Variants in HSPG2 observed in about 807,000 individuals in gnomAD.
HSPG2 encodes basement membrane-specific heparan sulfate proteoglycan core protein.
A neutral mutation model predicts 526.6 loss-of-function variants in HSPG2; 278 were observed. That is an observed-to-expected ratio of 0.53 (90% confidence interval 0.48 to 0.58). HSPG2 has a LOEUF of 0.58. Among genes scored for constraint, HSPG2 ranks in the 20% least tolerant of loss-of-function variants. The pLI, the probability that HSPG2 is intolerant of heterozygous loss-of-function variation, is 0.00. For missense variants in HSPG2, 5,354 were observed against 6,099.5 expected (o/e 0.88, Z 4.07); for synonymous variants, 2,465 against 2,555.4 (o/e 0.96, Z 1.07).
rs576934263 is a variant in HSPG2, at chr1:21,874,464, G to A, written c.3598C>T (p.Arg1200Trp). The A allele has an allele frequency of 8.7e-6, 14 of 1,612,272 alleles. No homozygotes were observed. The highest frequency in any genetic ancestry group is 8.3e-5 in the Admixed American group (5 of 60,004). Residue 1200 changes from arginine to tryptophan, a missense_variant, in exon 28 of 97, where the codon CGG becomes TGG. Transcript: ENST00000374695. Reference protein sequence around the residue: ...CQPGYYGDAQRGTPQDCQLCP... With the variant: ...CQPGYYGDAQWGTPQDCQLCP... The stretch of plus-strand genomic sequence containing the variant: ...AGCTGGCAGTCCTGTGGTGTCCCCC[G>A]CTGGGCGTCCCCGTAGTATCCTGGC...
chr1:21,874,711 T>C lies in HSPG2; in HGVS notation c.3433A>G (p.Thr1145Ala). 1 of 1,605,378 alleles carries C rather than the reference T, an allele frequency of 6.2e-7. No individual in the cohort carries two copies. The highest frequency in any genetic ancestry group is 8.5e-7 in the Non-Finnish European group (1 of 1,175,870). Residue 1145 changes from threonine (T) to alanine (A), a missense_variant, in exon 27 of 97, where the codon ACA becomes GCA. Transcript: ENST00000374695. ...AGGTAGAGGCCACTGGGCGTGCGTGTGTAGCCTGTGTCACAGTCCTGGGGG... is the reference window on the plus strand; with the variant it reads ...AGGTAGAGGCCACTGGGCGTGCGTGCGTAGCCTGTGTCACAGTCCTGGGGG... The part of the protein sequence containing the change: ...PSCQDCDTGY[T>A]RTPSGLYLGT...
In HSPG2 at chr1:21,828,041, C is replaced by A; in HGVS notation, c.12521G>T (p.Arg4174Leu). The A allele has an allele frequency of 5.6e-6, 9 of 1,613,552 alleles. No individual in the cohort carries two copies. The highest frequency in any genetic ancestry group is 7.6e-6 in the Non-Finnish European group (9 of 1,179,986). The change falls in exon 90 of 97, where the codon CGC becomes CTC. Residue 4174 changes from arginine (R) to leucine (L), a missense_variant. Coordinates refer to ENST00000374695, the MANE Select transcript of HSPG2 (RefSeq NM_005529.7). The surrounding 1 kb of genome is among the most constrained non-coding windows in gnomAD (Gnocchi z 6.0). The stretch of plus-strand genomic sequence containing the variant: ...CCAGGCCTGGGTACCTTGTTGGCAG[C>A]GTGGGCCAGAGAAGCCAGGGAGGCA... ...CLCLPGFSGP[R>L]CQQGSGHGIA...
chr1:21,834,553 C>A (rs2098018439), intron 77 of HSPG2, 126 bp downstream of exon 77: 1 of 1,193,506 alleles, frequency 8.4e-7, no homozygotes, highest in African/African-American at 1.5e-5. Context: ...GCCCCTTAAA[C>A]ACACACAATG....
chr1:21,849,958 G>A (rs1638756748), intron 57 of HSPG2, 83 bp downstream of exon 57: 10 of 1,557,174 alleles, frequency 6.4e-6, no homozygotes, highest in Non-Finnish European at 8.8e-6. Context: ...GATTACAGGC[G>A]TGAGCCACTG....
chr1:21,831,670 C>T lies in HSPG2; in HGVS notation c.11334G>A (p.Pro3778=), dbSNP rs766803365. The change falls in exon 82 of 97, where the codon CCG becomes CCA. Residue 3778 remains proline (P), a synonymous_variant. Coordinates refer to ENST00000374695, the MANE Select transcript of HSPG2 (RefSeq NM_005529.7). The part of the protein sequence containing the change: ...QGSLIVGDLA[P]VNGTSQGKFQ... ...GTCTCACCTGGGAGGTCCCATTGAC[C>T]GGGGCCAGGTCACCCACAATCAGGG... 1.9e-5 allele frequency: 30 copies of T among 1,605,954 alleles called. No homozygotes were observed. The highest frequency in any genetic ancestry group is 1.6e-4 in the Middle Eastern group (1 of 6,068).
At chr1:21,876,460 G>A (rs775660526) in intron 22 of HSPG2, 52 bp downstream of exon 22, 21 of 1,612,672 alleles carry the variant, frequency 1.3e-5, no homozygotes, top group Non-Finnish European at 1.6e-5. Context: ...CTGGCGCTTG[G>A]TCCATCCGGC....
rs1382011671 is a variant in HSPG2 at position 21,874,917 on chromosome 1, G to C, written c.3388C>G (p.Pro1130Ala). 2 of 1,612,938 alleles carry C rather than the reference G, an allele frequency of 1.2e-6. No homozygotes were observed. Among genetic ancestry groups the C allele is most frequent in the Non-Finnish European group, 1.7e-6 (2 of 1,179,682 alleles). The part of the protein sequence containing the change: ...ALEVEQCSCP[P>A]GYRGPSCQDC... The stretch of plus-strand genomic sequence containing the variant: ...TGGCAGGACGGCCCACGGTACCCGG[G>C]TGGGCAGGAGCACTGTTCCACTTCC... Residue 1130 changes from proline (P) to alanine (A), a missense_variant, in exon 26 of 97, where the codon CCC (proline) becomes GCC (alanine). Pro to Ala is a conservative substitution (Grantham distance 27). Transcript: ENST00000374695.
intron 1 of HSPG2, among the ~76,000 whole-genome samples, chr1:21,934,488 G>C (rs1644429174): frequency 6.6e-6 from 1 of 152,174 alleles, no homozygotes; most frequent in Non-Finnish European, 1.5e-5. Flanking sequence ...TCAGAGACAG[G>C]CCAGGCATGA....
chr1:21,931,466 A>T (rs999772755), intron 1 of HSPG2, among the ~76,000 whole-genome samples: 2 of 152,198 alleles, frequency 1.3e-5, no homozygotes, highest in Non-Finnish European at 2.9e-5. Context: ...CAGGAGCAGG[A>T]GCGAGAGGAG....
At chr1:21,834,638 C>T (rs754819863) in intron 77 of HSPG2, 41 bp downstream of exon 77, 2 of 1,611,328 alleles carry the variant, frequency 1.2e-6, no homozygotes, top group Non-Finnish European at 1.7e-6. Context: ...AGCCCCTGCC[C>T]CACTCACTGT....
chr1:21,839,411 A>C lies in HSPG2; in HGVS notation c.9849T>G (p.Pro3283=), dbSNP rs1171715835. 1.2e-6 allele frequency: 2 copies of C among 1,613,880 alleles called. No individual in the cohort carries two copies. The highest frequency in any genetic ancestry group is 1.6e-4 in the Middle Eastern group (1 of 6,062). The change falls in exon 73 of 97, where the codon CCT becomes CCG. Residue 3283 remains proline, a synonymous_variant. Coordinates refer to ENST00000374695, the MANE Select transcript of HSPG2 (RefSeq NM_005529.7). The surrounding 1 kb of genome is among the most constrained non-coding windows in gnomAD (Gnocchi z 4.5). ...SGQYICNATS[P]AGHAEATIIL... The stretch of plus-strand genomic sequence containing the variant: ...TGATGGTGGCCTCAGCGTGCCCAGC[A>C]GGGCTAGTGGCATTGCAGATGTACT...
chr1:21,890,709 G>A lies in HSPG2; in HGVS notation c.245-15C>T. On this transcript the variant is annotated splice_polypyrimidine_tract_variant and intron_variant, in intron 3 of 96. Coordinates refer to ENST00000374695, the MANE Select transcript of HSPG2 (RefSeq NM_005529.7). The surrounding 1 kb of genome is among the most constrained non-coding windows in gnomAD (Gnocchi z 4.1). ...TCGGAAATAAACTGGAAAATCGAAG[G>A]AGGATCATTTTGAGAGCCCCAGCCT... is the stretch of plus-strand genomic sequence containing the variant. 5 of 1,595,898 alleles carry A rather than the reference G, an allele frequency of 3.1e-6. No individual in the cohort carries two copies. The highest frequency in any genetic ancestry group is 4.3e-6 in the Non-Finnish European group (5 of 1,164,708).
At chr1:21,889,584 G>A (rs1314809030) in intron 6 of HSPG2, among the ~76,000 whole-genome samples, 1 of 152,140 alleles carries the variant, frequency 6.6e-6, no homozygotes, top group Non-Finnish European at 1.5e-5. Flanking sequence ...TGAAACAGGA[G>A]GAATAACATC....
In HSPG2 at chr1:21,872,720, TG is replaced by T; in HGVS notation, c.3928del (p.His1310ThrfsTer5). ...GTTGCTGGCACTCAGGTGGAAGTGG[TG>T]GGGCCGGCAGTGGCTGCAAGTGAGG... ...EGLTCSHCRP[H>X]HFHLSASNPD... On this transcript the variant is annotated frameshift_variant, in exon 32 of 97. Transcript: ENST00000374695. LOFTEE classifies it high-confidence loss of function. This position sits in a 1 kb window ranked among gnomAD's most constrained non-coding sequence, Gnocchi z 5.5. 1 of 1,609,606 alleles carries T rather than the reference TG, an allele frequency of 6.2e-7. No homozygotes were observed. The highest frequency in any genetic ancestry group is 8.5e-7 in the Non-Finnish European group (1 of 1,178,738).
intron 1 of HSPG2, among the ~76,000 whole-genome samples, chr1:21,916,514 A>G (rs1447167735): frequency 1.3e-5 from 2 of 151,810 alleles, no homozygotes. Context: ...TAAAAAAAAT[A>G]AAAATAAATA....
intron 80 of HSPG2, chr1:21,832,930 G>A: frequency 1.8e-6 from 1 of 559,196 alleles, no homozygotes; most frequent in Non-Finnish European, 3.2e-6. Flanking sequence ...AGAGACGAGA[G>A]AAAGAGAGGA....
intron 1 of HSPG2, among the ~76,000 whole-genome samples, chr1:21,929,680 C>G (rs1208393909): frequency 6.6e-6 from 1 of 151,748 alleles, no homozygotes; most frequent in Non-Finnish European, 1.5e-5. Context: ...CTGGACTCCA[C>G]CTCCTGCCCA....
Position 21,859,834 on chromosome 1 carries a change from C to G in HSPG2, c.5182+1G>C. On this transcript the variant is annotated splice_donor_variant, in intron 41 of 96. Coordinates refer to ENST00000374695, the MANE Select transcript of HSPG2 (RefSeq NM_005529.7). LOFTEE classifies it high-confidence loss of function. The surrounding 1 kb of genome is among the most constrained non-coding windows in gnomAD (Gnocchi z 5.3). ...GCTGAGGAGCCTAGGGCCATGGGTA[C>G]CTTGATGTCGCTGCTGGGTGCCGCT... is the stretch of plus-strand genomic sequence containing the variant. 1 of 1,611,320 alleles carries G rather than the reference C, an allele frequency of 6.2e-7. No homozygotes were observed. Among genetic ancestry groups the G allele is most frequent in the Non-Finnish European group, 8.5e-7 (1 of 1,179,594 alleles).
rs781215817 is a variant in HSPG2, at chr1:21,830,133, C to T, written c.11672-42G>A. ...CCAGTGAAAAGACACGGAGGTGACT[C>T]TGGAGGGAGGGGGGTCCTGATGCCA... is the stretch of plus-strand genomic sequence containing the variant. On this transcript the variant is annotated intron_variant, in intron 85 of 96. Transcript: ENST00000374695. The T allele has an allele frequency of 6.7e-6, 10 of 1,488,266 alleles. No individual in the cohort carries two copies. In the African/African-American group the frequency reaches 1.1e-4, roughly 16 times the overall value. The allele number at this position is 1,488,266 out of a possible 1,614,324, so 92.2% of individuals were successfully genotyped here. A position where few individuals can be genotyped will look rare whatever the true frequency, so the allele number is the denominator to read the frequency against.
Sources: gnomAD v4.1 joint callset for allele counts (sites outside exome capture counted in the v4.1 genomes callset) on GRCh38, gnomAD v4.1.1 for gene constraint, Gnocchi (gnomAD v3.1) non-coding constraint, MANE v1.5 for transcripts, NCBI Gene and HGNC (gene_info 2026-07-23, HGNC 2026-07-21) for gene names.